Variants in AGMO observed in about 807,000 individuals in gnomAD.
The protein encoded by AGMO is alkylglycerol monooxygenase, also known as glyceryl-ether monooxygenase.
AGMO carries 75 observed loss-of-function variants against 60.2 expected under a neutral mutation model. The ratio of observed to expected loss-of-function variants is 1.25; its 90% CI spans 1.03 to 1.51. The LOEUF (loss-of-function observed/expected upper bound fraction) is 1.51. Ranked by LOEUF, AGMO falls within the 40% of genes most tolerant of loss-of-function variation. The pLI is 0.00. For synonymous variants in AGMO, 261 were observed against 177.1 expected (o/e 1.47, Z -3.76); for missense variants, 763 against 525.5 (o/e 1.45, Z -4.42).
At chr7:15,190,930 C>G in the AGMO span, among the ~76,000 whole-genome samples, 1 of 151,850 alleles carries the variant, frequency 6.6e-6, no homozygotes, top group East Asian at 1.9e-4. Flanking sequence ...CTTCCCATGT[C>G]TGTTCAGGGT....
intron 3 of AGMO, among the ~76,000 whole-genome samples, chr7:15,465,690 C>G (rs1473541136): frequency 6.6e-6 from 1 of 151,198 alleles, no homozygotes; most frequent in Non-Finnish European, 1.5e-5. Context: ...AAGCAATCGT[C>G]TCTCCTCAGC....
intron 5 of AGMO, 70 bp from the exon 6 acceptor site, chr7:15,394,249 C>A: frequency 8.8e-7 from 1 of 1,136,520 alleles, no homozygotes; most frequent in Non-Finnish European, 1.3e-6. Flanking sequence ...TAAATGCTCA[C>A]ATTAGAAACT....
the AGMO span, among the ~76,000 whole-genome samples, chr7:15,192,002 CACA>C: frequency 1.6e-5 from 2 of 127,756 alleles, no homozygotes; most frequent in Non-Finnish European, 3.4e-5. Flanking sequence ...CACACACACA[CACA>C]CAGAGAACTA....
chr7:15,134,011 C>T, the AGMO span, among the ~76,000 whole-genome samples: 5 of 152,116 alleles, frequency 3.3e-5, no homozygotes, highest in South Asian at 4.1e-4. Flanking sequence ...TAAATACCAT[C>T]GAGAGTTTGA....
intron 12 of AGMO, among the ~76,000 whole-genome samples, chr7:15,316,610 AC>A (rs1780932972): frequency 1.1e-4 from 2 of 17,550 alleles, no homozygotes; most frequent in African/African-American, 1.1e-3. Context: ...CAACAAATAT[AC>A]ACACACACAC....
chr7:15,233,423 C>T (rs982654893), intron 12 of AGMO, among the ~76,000 whole-genome samples: 1 of 152,028 alleles, frequency 6.6e-6, no homozygotes, highest in East Asian at 1.9e-4. Flanking sequence ...ACAGCCCTCT[C>T]CAGGGAGACT....
At chr7:15,337,705 T>G (rs769532978) in intron 12 of AGMO, among the ~76,000 whole-genome samples, 2 of 152,186 alleles carry the variant, frequency 1.3e-5, no homozygotes, top group Non-Finnish European at 2.9e-5. Context: ...CAAAGCAGCA[T>G]CAGTCAAGGG....
At chr7:15,457,492 C>T (rs899792321) in intron 3 of AGMO, among the ~76,000 whole-genome samples, 1 of 152,114 alleles carries the variant, frequency 6.6e-6, no homozygotes, top group African/African-American at 2.4e-5. Context: ...AAATTTTACT[C>T]GAGTACATTT....
intron 12 of AGMO, among the ~76,000 whole-genome samples, chr7:15,293,589 A>T (rs1784334732): frequency 6.6e-6 from 1 of 152,050 alleles, no homozygotes; most frequent in Middle Eastern, 3.2e-3. Flanking sequence ...GTTACAAAAA[A>T]CTGTTAACAT....
In AGMO at chr7:15,453,395, C is replaced by T. The variant is rs114320679; in HGVS notation, c.410-22287G>A. 9.5e-3 allele frequency among the ~76,000 whole-genome samples: 1,447 copies of T among 152,226 alleles called. 23 individuals carry two copies. The highest frequency in any genetic ancestry group is 0.034 in the African/African-American group (1,413 of 41,524). On this transcript the variant is annotated intron_variant, in intron 3 of 12. Coordinates refer to ENST00000342526, the MANE Select transcript of AGMO (RefSeq NM_001004320.2). ...GTAATGTGGACCAATAGATGACTGC[C>T]TCTTGCCTTTGAAACAACTTCACAG... is the stretch of plus-strand genomic sequence containing the variant.
the AGMO span, among the ~76,000 whole-genome samples, chr7:15,137,071 C>A: frequency 1.3e-5 from 2 of 152,176 alleles, no homozygotes; most frequent in Admixed American, 6.5e-5. Context: ...TATTTGTTTA[C>A]ATTCCGCAGT....
intron 12 of AGMO, among the ~76,000 whole-genome samples, chr7:15,250,544 A>C (rs1156762217): frequency 9.4e-6 from 1 of 106,796 alleles, no homozygotes; most frequent in African/African-American, 4.2e-5. Context: ...TGAAGTACAC[A>C]CACACACACT....
At chr7:15,344,803 G>A (rs781744691) in intron 12 of AGMO, among the ~76,000 whole-genome samples, 15 of 152,090 alleles carry the variant, frequency 9.9e-5, no homozygotes, top group Non-Finnish European at 1.9e-4. Context: ...AGTGTGATGC[G>A]TTTTCATCAG....
At chr7:15,341,235 G>A (rs960668404) in intron 12 of AGMO, among the ~76,000 whole-genome samples, 3 of 152,034 alleles carry the variant, frequency 2.0e-5, no homozygotes, top group Non-Finnish European at 2.9e-5. Context: ...TGCATCATTA[G>A]GCTGCAAATT....
intron 12 of AGMO, among the ~76,000 whole-genome samples, chr7:15,289,700 C>A (rs188112339): frequency 1.3e-5 from 2 of 152,076 alleles, no homozygotes; most frequent in South Asian, 4.1e-4. Context: ...AGGAGTAATT[C>A]AAAGAAAGAG....
chr7:15,169,564 A>G, the AGMO span, among the ~76,000 whole-genome samples: 5 of 151,578 alleles, frequency 3.3e-5, no homozygotes, highest in African/African-American at 7.3e-5. Flanking sequence ...AGCCTCCTAC[A>G]TAGCTGGGAT....
the AGMO span, among the ~76,000 whole-genome samples, chr7:15,165,834 TAA>T: frequency 2.0e-5 from 3 of 152,146 alleles, no homozygotes. Context: ...CATTAAAGAT[TAA>T]AATAATGGGA....
intron 3 of AGMO, among the ~76,000 whole-genome samples, chr7:15,455,626 G>T (rs1206158762): frequency 6.6e-6 from 1 of 152,078 alleles, no homozygotes; most frequent in South Asian, 2.1e-4. Flanking sequence ...AGCAACTTCT[G>T]AAAATATGTT....
intron 12 of AGMO, among the ~76,000 whole-genome samples, chr7:15,245,929 A>G (rs1782726874): frequency 6.6e-6 from 1 of 152,158 alleles, no homozygotes; most frequent in Non-Finnish European, 1.5e-5. Flanking sequence ...ATCAGACACT[A>G]CATAAATGTT....
Sources: gnomAD v4.1 joint callset for allele counts (sites outside exome capture counted in the v4.1 genomes callset) on GRCh38, gnomAD v4.1.1 for gene constraint, MANE v1.5 for transcripts, NCBI Gene and HGNC (gene_info 2026-07-23, HGNC 2026-07-21) for gene names.